Variants in DLGAP1 observed in about 807,000 individuals in gnomAD.
The protein encoded by DLGAP1 is disks large-associated protein 1.
In DLGAP1, 11 loss-of-function variants were observed where a neutral mutation model predicts 90.8. The ratio of observed to expected loss-of-function variants is 0.12; its 90% CI spans 0.08 to 0.20. The LOEUF is 0.20. Ranked by LOEUF, DLGAP1 falls within the 10% of genes least tolerant of loss-of-function variation. The pLI is 1.00. For synonymous variants in DLGAP1, 558 were observed against 540.7 expected (o/e 1.03, Z -0.44); for missense variants, 1,050 against 1,333.8 (o/e 0.79, Z 3.31).
In DLGAP1 at chr18:3,982,941, G is replaced by A. The variant is rs560187304; in HGVS notation, c.-73+22175C>T. On this transcript the variant is annotated intron_variant, in intron 3 of 12. Coordinates refer to ENST00000315677, the MANE Select transcript of DLGAP1 (RefSeq NM_004746.4). ...TCTATAATTACTAAAACCTTCATAT[G>A]ATGATTAAAGAGTAAAGTGGTTTCA... is the stretch of plus-strand genomic sequence containing the variant. Among the ~76,000 whole-genome samples the A allele has an allele frequency of 5.3e-5, 8 of 152,126 alleles. No individual in the cohort carries two copies. The South Asian group carries it at 1.7e-3, about 32-fold the overall frequency.
chr18:4,237,322 G>A (rs184082742), intron 1 of DLGAP1, among the ~76,000 whole-genome samples: 2 of 152,180 alleles, frequency 1.3e-5, no homozygotes, highest in East Asian at 3.9e-4. Context: ...AGTTCTTTTT[G>A]GGGAATTTCC....
chr18:3,635,166 T>C (rs2058655496), intron 7 of DLGAP1, among the ~76,000 whole-genome samples: 1 of 151,824 alleles, frequency 6.6e-6, no homozygotes, highest in Non-Finnish European at 1.5e-5. Context: ...AGTCTCGCTC[T>C]TTCACCCAGG....
chr18:4,020,931 G>A (rs1421189668), intron 2 of DLGAP1, among the ~76,000 whole-genome samples: 2 of 152,022 alleles, frequency 1.3e-5, no homozygotes, highest in Non-Finnish European at 2.9e-5. Context: ...TGTTCTGATG[G>A]ACCAGCTGAC....
intron 4 of DLGAP1, among the ~76,000 whole-genome samples, chr18:3,861,993 AGACGTT>A: frequency 6.6e-6 from 1 of 152,370 alleles, no homozygotes; most frequent in East Asian, 1.9e-4. Flanking sequence ...AAATGAAGCC[AGACGTT>A]GACACTTGTA....
At chr18:3,669,234 G>A (rs2059993126) in intron 7 of DLGAP1, among the ~76,000 whole-genome samples, 1 of 151,986 alleles carries the variant, frequency 6.6e-6, no homozygotes, top group Non-Finnish European at 1.5e-5. Flanking sequence ...TATTGATAAG[G>A]AGTGCTGGGA....
chr18:4,203,072 C>T (rs912638573), intron 1 of DLGAP1, among the ~76,000 whole-genome samples: 13 of 151,834 alleles, frequency 8.6e-5, no homozygotes, highest in African/African-American at 2.4e-4. Context: ...GTCAGGAGTT[C>T]GAGACCAGCC....
intron 10 of DLGAP1, among the ~76,000 whole-genome samples, chr18:3,531,930 G>A (rs2144434604): frequency 6.6e-6 from 1 of 152,132 alleles, no homozygotes; most frequent in Admixed American, 6.5e-5. Flanking sequence ...GTCTCAGCTT[G>A]CCGCAACCTC....
intron 2 of DLGAP1, among the ~76,000 whole-genome samples, chr18:4,046,246 T>A (rs2075052184): frequency 6.6e-6 from 1 of 152,218 alleles, no homozygotes; most frequent in Non-Finnish European, 1.5e-5. Context: ...CACTTATTTA[T>A]TGGTAGAGCT....
chr18:4,012,466 T>C (rs57816977), intron 2 of DLGAP1, among the ~76,000 whole-genome samples: 34,428 of 151,962 alleles, frequency 0.23, 4,802 homozygotes, highest in African/African-American at 0.4. Context: ...AATGGCACTG[T>C]GGACAGTTTC....
intron 2 of DLGAP1, among the ~76,000 whole-genome samples, chr18:4,082,572 G>A (rs2075626732): frequency 1.3e-5 from 2 of 149,034 alleles, no homozygotes; most frequent in Admixed American, 1.4e-4. Context: ...TTCCATGGTG[G>A]GGGTAATCAT....
rs1275984845 is a variant in DLGAP1, at chr18:4,256,194, G to A, written c.-266-104907C>T. Among the ~76,000 whole-genome samples the A allele has an allele frequency of 2.0e-5, 3 of 152,102 alleles. No homozygotes were observed. In the East Asian group the frequency reaches 5.8e-4, roughly 29 times the overall value. ...ATCATACTTCTTCTGAGATCAGCTT[G>A]GGCAACAAAATGAGATGCCATCTCT... On this transcript the variant is annotated intron_variant, in intron 1 of 12. Coordinates refer to ENST00000315677, the MANE Select transcript of DLGAP1 (RefSeq NM_004746.4).
chr18:3,633,458 G>C (rs1047915600), intron 7 of DLGAP1, among the ~76,000 whole-genome samples: 1 of 151,964 alleles, frequency 6.6e-6, no homozygotes, highest in Non-Finnish European at 1.5e-5. Context: ...TAGGGAGGGG[G>C]AGTGCTTTGC....
At chr18:3,519,123 A>G (rs1332099740) in intron 10 of DLGAP1, among the ~76,000 whole-genome samples, 1 of 152,180 alleles carries the variant, frequency 6.6e-6, no homozygotes, top group African/African-American at 2.4e-5. Flanking sequence ...CACAGAGGAG[A>G]CAGGACCTTA....
chr18:3,941,707 T>C (rs921891733), intron 3 of DLGAP1, among the ~76,000 whole-genome samples: 1 of 152,132 alleles, frequency 6.6e-6, no homozygotes, highest in Non-Finnish European at 1.5e-5. Context: ...TAACATTATA[T>C]TGTAATTATA....
intron 6 of DLGAP1, among the ~76,000 whole-genome samples, chr18:3,733,073 C>G (rs1449502014): frequency 6.6e-6 from 1 of 152,136 alleles, no homozygotes; most frequent in African/African-American, 2.4e-5. Flanking sequence ...TTTGCTTTAA[C>G]CCATAGTATA....
intron 2 of DLGAP1, among the ~76,000 whole-genome samples, chr18:4,055,192 G>A (rs1454802348): frequency 6.6e-6 from 1 of 152,166 alleles, no homozygotes; most frequent in East Asian, 1.9e-4. Flanking sequence ...GCTGGCAAGG[G>A]TTTCATCTGG....
chr18:3,995,225 G>A (rs1360409775), intron 3 of DLGAP1: 2 of 151,882 alleles, frequency 1.3e-5, no homozygotes, highest in East Asian at 1.9e-4. Flanking sequence ...AGAATTCACT[G>A]AGCTGAAATG....
intron 10 of DLGAP1, among the ~76,000 whole-genome samples, chr18:3,509,234 T>C (rs923559425): frequency 6.6e-6 from 1 of 152,110 alleles, no homozygotes; most frequent in Non-Finnish European, 1.5e-5. Flanking sequence ...CTGATTAAAA[T>C]ATTTTCTAAG....
rs571584561 is a variant in DLGAP1, at chr18:4,051,621, C to T, written c.-158-46420G>A. 4.6e-5 allele frequency among the ~76,000 whole-genome samples: 7 copies of T among 152,238 alleles called. No homozygotes were observed. The South Asian group carries it at 1.2e-3, about 27-fold the overall frequency. ...GATTTGGGTGGAGACACAGTAAAAC[C>T]ATATCATTCTGCCGCTGGCCCCTCC... On this transcript the variant is annotated intron_variant, in intron 2 of 12. Coordinates refer to ENST00000315677, the MANE Select transcript of DLGAP1 (RefSeq NM_004746.4).
Sources: allele counts gnomAD v4.1 joint callset (sites outside exome capture counted in the v4.1 genomes callset), GRCh38; gene constraint gnomAD v4.1.1; transcripts MANE v1.5; gene names NCBI Gene and HGNC (gene_info 2026-07-23, HGNC 2026-07-21).